The following PTK2 variants were observed in gnomAD, a reference collection of about 807,000 sequenced individuals.
The protein encoded by PTK2 is protein tyrosine kinase 2.
PTK2 carries 45 observed loss-of-function variants against 150.1 expected under a neutral mutation model. The observed-to-expected ratio is 0.30, with a 90% CI of 0.24 to 0.38. The LOEUF is 0.38. Ranked by LOEUF, PTK2 falls within the 10% of genes least tolerant of loss-of-function variation. PTK2 has a pLI of 1.00. For missense variants in PTK2, 919 were observed against 1,307.3 expected, an observed-to-expected ratio of 0.70 and a Z score of 4.58; for synonymous variants, 432 against 449.2, an observed-to-expected ratio of 0.96 and a Z score of 0.48.
At chr8:140,679,837 C>T (rs536334373) in intron 27 of PTK2, among the ~76,000 whole-genome samples, 4 of 152,130 alleles carry the variant, frequency 2.6e-5, no homozygotes, top group Non-Finnish European at 5.9e-5. Flanking sequence ...TCCCTGAAGC[C>T]GTGGCACATT....
chr8:140,865,210 CT>C (rs2100138602), intron 4 of PTK2, among the ~76,000 whole-genome samples: 1 of 152,208 alleles, frequency 6.6e-6, no homozygotes, highest in African/African-American at 2.4e-5. Context: ...TGACTATCCT[CT>C]TTTGTGAAGT....
intron 10 of PTK2, 111 bp from the exon 11 acceptor site, chr8:140,803,761 T>C: frequency 1.0e-6 from 1 of 974,064 alleles, no homozygotes; most frequent in Admixed American, 2.3e-5. Context: ...TCCCTAAGAC[T>C]GGAGGTCTGG....
intron 1 of PTK2, among the ~76,000 whole-genome samples, chr8:140,926,328 T>A (rs986298910): frequency 6.6e-6 from 1 of 152,142 alleles, no homozygotes; most frequent in African/African-American, 2.4e-5. Flanking sequence ...GGGATATGCA[T>A]CAGGCACTTG....
intron 26 of PTK2, among the ~76,000 whole-genome samples, chr8:140,699,436 C>G (rs1257389681): frequency 6.6e-6 from 1 of 152,202 alleles, no homozygotes; most frequent in Non-Finnish European, 1.5e-5. Context: ...TGTCAAGTAA[C>G]ATACAGAGAT....
chr8:140,949,229 A>T (rs1470969089), intron 1 of PTK2, among the ~76,000 whole-genome samples: 1 of 152,196 alleles, frequency 6.6e-6, no homozygotes, highest in East Asian at 1.9e-4. Context: ...ATACATATAC[A>T]AAACGTGTTA....
intron 2 of PTK2, among the ~76,000 whole-genome samples, chr8:140,898,124 A>G (rs925472582): frequency 2.0e-5 from 3 of 152,262 alleles, no homozygotes; most frequent in African/African-American, 7.2e-5. Flanking sequence ...TTTGTAAAAT[A>G]CAATGAAAAG....
rs747458546 is a variant in PTK2 at position 140,752,305 on chromosome 8, A to C, written c.1344T>G (p.Ala448=). 3 of 1,614,008 alleles carry C rather than the reference A, an allele frequency of 1.9e-6. No homozygotes were observed. The East Asian group carries it at 6.7e-5, about 36-fold the overall frequency. ...TACATGTTTTAATTGCAACCGCCAA[A>C]GCTGGATTCTCCTGTGTTAGGGAAA... The change falls in exon 17 of 32, where the codon GCT becomes GCG. Residue 448 remains alanine (A), a synonymous_variant. Transcript: ENST00000522684.
At chr8:140,724,136 TAAAC>T (rs1048556357) in intron 22 of PTK2, among the ~76,000 whole-genome samples, 13 of 152,188 alleles carry the variant, frequency 8.5e-5, no homozygotes, top group African/African-American at 3.1e-4. Flanking sequence ...AACAGATAGA[TAAAC>T]AAGCTGCTTC....
Position 140,800,582 on chromosome 8 carries a change from G to A in PTK2, c.976-6C>T, listed in dbSNP as rs377644564. 48 of 1,604,830 alleles carry A rather than the reference G, an allele frequency of 3.0e-5. No individual in the cohort carries two copies. The highest frequency in any genetic ancestry group is 8.9e-5 in the East Asian group (4 of 44,838). On this transcript the variant is annotated splice_region_variant and splice_polypyrimidine_tract_variant and intron_variant, in intron 11 of 31. Coordinates refer to ENST00000522684, the Ensembl canonical transcript of PTK2. ...GGTGCCGTCACTGTCAGAGGCTAAC[G>A]GAGAAAAGATCAAGAAAACAGACTT...
chr8:140,666,055 G>C (rs2091108616), intron 30 of PTK2, among the ~76,000 whole-genome samples: 1 of 152,152 alleles, frequency 6.6e-6, no homozygotes, highest in Non-Finnish European at 1.5e-5. Context: ...ACAGTTGTAG[G>C]GGCCAGGCGC....
intron 12 of PTK2, among the ~76,000 whole-genome samples, chr8:140,798,211 C>T (rs2154592410): frequency 6.6e-6 from 1 of 152,180 alleles, no homozygotes; most frequent in African/African-American, 2.4e-5. Flanking sequence ...CATTTGAACT[C>T]TTAAAAAATC....
At chr8:140,922,693 G>A (rs1476694408) in intron 2 of PTK2, among the ~76,000 whole-genome samples, 1 of 152,112 alleles carries the variant, frequency 6.6e-6, no homozygotes, top group African/African-American at 2.4e-5. Flanking sequence ...ACTAAGTACT[G>A]ATTACAACTA....
chr8:140,824,551 C>T (rs539759507), intron 8 of PTK2, among the ~76,000 whole-genome samples: 2 of 152,320 alleles, frequency 1.3e-5, no homozygotes, highest in South Asian at 4.1e-4. Flanking sequence ...TACTTAAATG[C>T]GACTGCCAAT....
chr8:140,797,353 A>G lies in PTK2; in HGVS notation c.1093+3106T>C, dbSNP rs189892726. Among the ~76,000 whole-genome samples the G allele has an allele frequency of 9.1e-4, 139 of 152,302 alleles. 1 individual carries two copies. The highest frequency in any genetic ancestry group is 3.2e-3 in the African/African-American group (135 of 41,558). Reference sequence around the variant, plus strand: ...TTAATTATTTATTATATGTGTCATAATATTTTCCCCTGTCATCATAGCTTT... The same window carrying G: ...TTAATTATTTATTATATGTGTCATAGTATTTTCCCCTGTCATCATAGCTTT... On this transcript the variant is annotated intron_variant, in intron 12 of 31. Coordinates refer to ENST00000522684, the Ensembl canonical transcript of PTK2.
chr8:140,997,403 C>T (rs1389538687), intron 1 of PTK2, among the ~76,000 whole-genome samples: 1 of 151,914 alleles, frequency 6.6e-6, no homozygotes, highest in Non-Finnish European at 1.5e-5. Context: ...GAAAGAAGTT[C>T]TACTGTGGAT....
At chr8:140,960,113 AT>A (rs1242805191) in intron 1 of PTK2, among the ~76,000 whole-genome samples, 3 of 150,240 alleles carry the variant, frequency 2.0e-5, no homozygotes, top group Non-Finnish European at 3.0e-5. Flanking sequence ...TGTATACAGT[AT>A]TTTTTTAAAT....
chr8:140,742,828 T>G (rs1318489055), intron 20 of PTK2, among the ~76,000 whole-genome samples: 2 of 152,198 alleles, frequency 1.3e-5, no homozygotes, highest in African/African-American at 4.8e-5. Context: ...TTTAACAGGG[T>G]CTTTGGCAGA....
intron 27 of PTK2, among the ~76,000 whole-genome samples, chr8:140,686,387 C>T (rs914147459): frequency 6.9e-6 from 1 of 145,408 alleles, no homozygotes; most frequent in Non-Finnish European, 1.5e-5. Context: ...GTACATGTAC[C>T]CCTGAAACTA....
chr8:140,844,681 C>T (rs1213008554), intron 7 of PTK2, among the ~76,000 whole-genome samples: 2 of 152,126 alleles, frequency 1.3e-5, no homozygotes, highest in Non-Finnish European at 2.9e-5. Flanking sequence ...TCCTCTCCCT[C>T]AAACTGCATT....
Sources: gnomAD v4.1 joint callset for allele counts (sites outside exome capture counted in the v4.1 genomes callset) on GRCh38, gnomAD v4.1.1 for gene constraint, MANE v1.5 for transcripts, NCBI Gene and HGNC (gene_info 2026-07-23, HGNC 2026-07-21) for gene names.